The following GLG1 variants were observed in gnomAD, a reference collection of about 807,000 sequenced individuals.
GLG1 encodes the protein golgi glycoprotein 1.
In GLG1, 38 loss-of-function variants were observed where a neutral mutation model predicts 160.5. The ratio of observed to expected loss-of-function variants is 0.24; its 90% CI spans 0.18 to 0.31. GLG1 has a LOEUF of 0.31. GLG1 is among the 10% of genes least tolerant of loss of function. The probability of loss-of-function intolerance (pLI) is 1.00; values close to 1 mark genes in which losing one functional copy is unlikely to be tolerated. For missense variants in GLG1, 1,373 were observed against 1,505.2 expected (o/e 0.91, Z 1.45); for synonymous variants, 644 against 543.4 (o/e 1.19, Z -2.57).
At chr16:74,465,651 T>C in intron 19 of GLG1, 25 bp downstream of exon 19, 7 of 1,610,390 alleles carry the variant, frequency 4.3e-6, no homozygotes, top group Non-Finnish European at 5.9e-6. Flanking sequence ...TCATCCGTGC[T>C]CGGCCTTTGG....
In GLG1 at chr16:74,526,024, A is replaced by AAAAT. The variant is rs891152614; in HGVS notation, c.471+6093_471+6096dup. On this transcript the variant is annotated intron_variant, in intron 2 of 25. Coordinates refer to ENST00000422840, the MANE Select transcript of GLG1 (RefSeq NM_001145667.2). ...AGAGACAGAGCAAGACTCCATCTCA[A>AAAAT]AAATAAATAAATAAATAAATAGAAG... Among the ~76,000 whole-genome samples, 150 of 152,338 alleles carry AAAAT rather than the reference A, an allele frequency of 9.8e-4. 1 individual carries two copies. The highest frequency in any genetic ancestry group is 3.0e-3 in the African/African-American group (123 of 41,566).
chr16:74,606,977 G>GGCCCTGGCTGTGGAC lies in GLG1; in HGVS notation c.103_117dup (p.Val35_Gly39dup). The GGCCCTGGCTGTGGAC allele has an allele frequency of 6.2e-7, 1 of 1,607,992 alleles. No homozygotes were observed. Among genetic ancestry groups the GGCCCTGGCTGTGGAC allele is most frequent in the East Asian group, 2.2e-5 (1 of 44,700 alleles). ...GACACAAAGTTGGCCCCGGGACCCTGGCCCTGGCTGTGGACGCCCTGGCCG... is the reference window on the plus strand; with the variant it reads ...GACACAAAGTTGGCCCCGGGACCCTGGCCCTGGCTGTGGACGCCCTGGCTGTGGACGCCCTGGCCG... On this transcript the variant is annotated inframe_insertion, in exon 1 of 26. Transcript: ENST00000422840.
At chr16:74,527,640 T>A (rs1289439069) in intron 2 of GLG1, among the ~76,000 whole-genome samples, 2 of 152,210 alleles carry the variant, frequency 1.3e-5, no homozygotes, top group Non-Finnish European at 2.9e-5. Flanking sequence ...CTTCAATTTG[T>A]GATCCTTTTA....
At chr16:74,537,867 C>T (rs1417055675) in intron 1 of GLG1, among the ~76,000 whole-genome samples, 1 of 151,496 alleles carries the variant, frequency 6.6e-6, no homozygotes, top group Non-Finnish European at 1.5e-5. Context: ...TGAATGTTCT[C>T]AAATCAACTA....
rs546598134 is a variant in GLG1 at position 74,597,746 on chromosome 16, C to T, written c.438+8911G>A. 1.1e-4 allele frequency among the ~76,000 whole-genome samples: 17 copies of T among 151,208 alleles called. No individual in the cohort carries two copies. In the East Asian group the frequency reaches 2.8e-3, roughly 25 times the overall value. The stretch of plus-strand genomic sequence containing the variant: ...GCGGGCGCCTGTAGTCCCAGCTACT[C>T]GGGAGGCTGAAGCAGGAGAATGGCG... On this transcript the variant is annotated intron_variant, in intron 1 of 25. Coordinates refer to ENST00000422840, the MANE Select transcript of GLG1 (RefSeq NM_001145667.2).
At chr16:74,578,347 C>A (rs151117952) in intron 1 of GLG1, among the ~76,000 whole-genome samples, 85 of 152,266 alleles carry the variant, frequency 5.6e-4, no homozygotes, top group African/African-American at 2.0e-3. Context: ...CCGCACAGTC[C>A]ATTTTATCCT....
chr16:74,494,471 A>G (rs909786957), intron 6 of GLG1, among the ~76,000 whole-genome samples: 3 of 137,826 alleles, frequency 2.2e-5, no homozygotes, highest in African/African-American at 5.6e-5. Flanking sequence ...CAGTGGTGCG[A>G]TCTCAGCTCA....
chr16:74,484,053 G>A (rs567820222), intron 9 of GLG1, among the ~76,000 whole-genome samples: 3 of 152,022 alleles, frequency 2.0e-5, no homozygotes, highest in South Asian at 2.1e-4. Context: ...ATTTTCATCT[G>A]TAGCAGTTCT....
At chr16:74,550,598 G>A (rs974294442) in intron 1 of GLG1, among the ~76,000 whole-genome samples, 2 of 152,114 alleles carry the variant, frequency 1.3e-5, no homozygotes, top group African/African-American at 4.8e-5. Context: ...TTAAATTAAA[G>A]AGTATTTTTT....
intron 1 of GLG1, among the ~76,000 whole-genome samples, chr16:74,546,176 T>A (rs2018041111): frequency 6.6e-6 from 1 of 152,318 alleles, no homozygotes; most frequent in East Asian, 1.9e-4. Flanking sequence ...TTGTAGCTCA[T>A]GCCTGTAATC....
chr16:74,478,544 G>A (rs1232458212), intron 11 of GLG1, among the ~76,000 whole-genome samples: 1 of 152,146 alleles, frequency 6.6e-6, no homozygotes, highest in African/African-American at 2.4e-5. Flanking sequence ...GAGTCATGGA[G>A]TGTTTTGAAA....
rs1168783431 is a variant in GLG1 at position 74,508,997 on chromosome 16, T to C, written c.472-72A>G. The C allele has an allele frequency of 2.0e-5, 14 of 704,882 alleles. No individual in the cohort carries two copies. The East Asian group carries it at 3.4e-4, about 17-fold the overall frequency. The allele number at this position is 704,882 out of a possible 1,614,324, so 43.7% of individuals were successfully genotyped here. On this transcript the variant is annotated intron_variant, in intron 2 of 25. Transcript: ENST00000422840. The stretch of plus-strand genomic sequence containing the variant: ...ACAGTACGAAATTTATTATCAACGT[T>C]AAATGACAAAAGCCAATTATACAGA...
chr16:74,526,287 ATGAC>A (rs1297929119), intron 2 of GLG1, among the ~76,000 whole-genome samples: 1 of 146,694 alleles, frequency 6.8e-6, no homozygotes, highest in Non-Finnish European at 1.5e-5. Context: ...GTAAAATCAG[ATGAC>A]TGACTATGAG....
chr16:74,535,702 T>C, intron 1 of GLG1, among the ~76,000 whole-genome samples: 1 of 152,214 alleles, frequency 6.6e-6, no homozygotes, highest in East Asian at 1.9e-4. Context: ...CCCAAAGTGC[T>C]GGGACTGCAG....
At chr16:74,536,211 T>C (rs573110576) in intron 1 of GLG1, among the ~76,000 whole-genome samples, 2 of 152,274 alleles carry the variant, frequency 1.3e-5, no homozygotes, top group African/African-American at 4.8e-5. Flanking sequence ...CTTCATCAGA[T>C]ATAGTACATC....
chr16:74,461,268 T>C (rs1467039524), intron 22 of GLG1, among the ~76,000 whole-genome samples: 2 of 147,144 alleles, frequency 1.4e-5, no homozygotes, highest in Non-Finnish European at 3.0e-5. Context: ...CCTGGGTTCA[T>C]GCCATTCTCC....
chr16:74,573,581 CTT>C (rs34868210), intron 1 of GLG1, among the ~76,000 whole-genome samples: 68,212 of 101,936 alleles, frequency 0.67, 22,629 homozygotes, highest in East Asian at 0.78. Context: ...TTTATCTTGC[CTT>C]TTTTTTTTTT....
intron 9 of GLG1, 57 bp downstream of exon 9, chr16:74,485,739 C>A: frequency 1.3e-6 from 2 of 1,525,416 alleles, no homozygotes; most frequent in South Asian, 2.4e-5. Context: ...AAGGAATGTT[C>A]CCTGTGCTGC....
chr16:74,481,953 AT>A (rs886341695), intron 10 of GLG1, among the ~76,000 whole-genome samples: 5 of 151,682 alleles, frequency 3.3e-5, no homozygotes, highest in Admixed American at 1.3e-4. Context: ...CGCCCGGCTA[AT>A]TTTTTTTGTA....
Sources: gnomAD v4.1 joint callset for allele counts (sites outside exome capture counted in the v4.1 genomes callset) on GRCh38, gnomAD v4.1.1 for gene constraint, MANE v1.5 for transcripts, NCBI Gene and HGNC (gene_info 2026-07-23, HGNC 2026-07-21) for gene names.